Variants in CADM1 observed in about 807,000 individuals in gnomAD.
The protein encoded by CADM1 is cell adhesion molecule 1.
Under a neutral mutation model 53.1 loss-of-function variants are expected in CADM1, and 15 were observed. That is an observed-to-expected ratio of 0.28 (90% CI 0.19 to 0.44). CADM1 has a LOEUF of 0.44. CADM1 is among the 20% of genes least tolerant of loss of function. The probability of loss-of-function intolerance (pLI) is 1.00; values close to 1 mark genes in which losing one functional copy is unlikely to be tolerated. For synonymous variants in CADM1, 281 were observed against 243.0 expected (o/e 1.16, Z -1.45); for missense variants, 434 against 611.3 (o/e 0.71, Z 3.06).
chr11:115,180,121 C>G (rs573239839), intron 10 of CADM1, among the ~76,000 whole-genome samples: 1 of 152,006 alleles, frequency 6.6e-6, no homozygotes, highest in Non-Finnish European at 1.5e-5. Flanking sequence ...TCTTTTGAGC[C>G]GAAACCTGAT....
At chr11:115,320,260 T>C (rs1944787863) in intron 1 of CADM1, among the ~76,000 whole-genome samples, 1 of 152,022 alleles carries the variant, frequency 6.6e-6, no homozygotes, top group Non-Finnish European at 1.5e-5. Context: ...ACGAGGTCTC[T>C]CTATGTTGTC....
intron 1 of CADM1, 113 bp from the exon 2 acceptor site, chr11:115,240,533 C>T: frequency 1.9e-6 from 2 of 1,068,210 alleles, no homozygotes; most frequent in Admixed American, 1.9e-5. Flanking sequence ...CAAGTAGCAA[C>T]ATTTAGCATG....
At chr11:115,311,769 C>T (rs2135163866) in intron 1 of CADM1, among the ~76,000 whole-genome samples, 1 of 152,130 alleles carries the variant, frequency 6.6e-6, no homozygotes, top group South Asian at 2.1e-4. Context: ...TCATTTTTAT[C>T]ATTTTAGACC....
intron 1 of CADM1, among the ~76,000 whole-genome samples, chr11:115,411,637 A>G (rs1947461936): frequency 6.6e-6 from 1 of 152,152 alleles, no homozygotes; most frequent in South Asian, 2.1e-4. Flanking sequence ...TTTGTGGCCA[A>G]AGAAAGTGGA....
At chr11:115,220,745 A>T (rs1941374920) in intron 5 of CADM1, among the ~76,000 whole-genome samples, 1 of 152,216 alleles carries the variant, frequency 6.6e-6, no homozygotes, top group Non-Finnish European at 1.5e-5. Context: ...AAACTTAAAA[A>T]TAAATTCTGT....
intron 2 of CADM1, 57 bp from the exon 3 acceptor site, chr11:115,238,709 T>C: frequency 1.3e-6 from 2 of 1,561,632 alleles, no homozygotes; most frequent in Non-Finnish European, 8.8e-7. Context: ...CAGTCTATTT[T>C]CCTTAATTAT....
intron 1 of CADM1, among the ~76,000 whole-genome samples, chr11:115,358,173 T>A (rs1481415281): frequency 6.6e-6 from 1 of 151,568 alleles, no homozygotes; most frequent in Non-Finnish European, 1.5e-5. Flanking sequence ...AGCAGCACCA[T>A]CCACCACCTC....
intron 1 of CADM1, among the ~76,000 whole-genome samples, chr11:115,378,288 C>G (rs1946489117): frequency 6.6e-6 from 1 of 152,094 alleles, no homozygotes; most frequent in African/African-American, 2.4e-5. Flanking sequence ...TGAGATAAGT[C>G]AATTCCGCCA....
chr11:115,211,618 TACAGGCATGCGCCACC>T (rs1485962811), intron 7 of CADM1, among the ~76,000 whole-genome samples: 4 of 151,132 alleles, frequency 2.6e-5, no homozygotes, highest in Non-Finnish European at 5.9e-5. Flanking sequence ...TAGCTGGGAC[TACAGGCATGCGCCACC>T]ACACCCAGCT....
intron 10 of CADM1, among the ~76,000 whole-genome samples, chr11:115,188,576 C>T (rs866576020): frequency 6.6e-6 from 1 of 152,070 alleles, no homozygotes; most frequent in Admixed American, 6.5e-5. Flanking sequence ...AAATTGAGTA[C>T]GTAACATTTA....
intron 1 of CADM1, among the ~76,000 whole-genome samples, chr11:115,447,822 C>T (rs771827799): frequency 3.3e-5 from 5 of 152,214 alleles, no homozygotes; most frequent in Non-Finnish European, 5.9e-5. Context: ...TTTCACAGCA[C>T]CACAGCAACT....
At chr11:115,292,453 A>T (rs773637936) in intron 1 of CADM1, among the ~76,000 whole-genome samples, 5 of 152,226 alleles carry the variant, frequency 3.3e-5, no homozygotes, top group Non-Finnish European at 5.9e-5. Flanking sequence ...AACTTCCCTA[A>T]TATGAAAGAG....
intron 1 of CADM1, among the ~76,000 whole-genome samples, chr11:115,331,925 C>T (rs781256269): frequency 6.0e-5 from 9 of 150,458 alleles, no homozygotes; most frequent in South Asian, 4.2e-4. Flanking sequence ...CCCTCCCCTG[C>T]GTGGGGAAGG....
At chr11:115,243,507 C>A (rs767747982) in intron 1 of CADM1, among the ~76,000 whole-genome samples, 6 of 152,104 alleles carry the variant, frequency 3.9e-5, no homozygotes. Context: ...TTTAAGGCAC[C>A]ATAAGATGGC....
In CADM1 at chr11:115,483,874, G is replaced by C. The variant is rs781700565; in HGVS notation, c.124+20397C>G. Among the ~76,000 whole-genome samples, 68 of 152,210 alleles carry C rather than the reference G, an allele frequency of 4.5e-4. No individual in the cohort carries two copies. The Middle Eastern group carries it at 0.017, about 38-fold the overall frequency. On this transcript the variant is annotated intron_variant, in intron 1 of 11. Coordinates refer to ENST00000331581, the MANE Select transcript of CADM1 (RefSeq NM_001301043.2). ...ACACGTGACTAGTGGTTACTATACT[G>C]AACAGCACAGATATGGACTATTTCC...
intron 1 of CADM1, among the ~76,000 whole-genome samples, chr11:115,277,293 A>C (rs1943471053): frequency 6.6e-6 from 1 of 152,230 alleles, no homozygotes; most frequent in South Asian, 2.1e-4. Context: ...ATGGCTTGAC[A>C]AAATACACAG....
intron 11 of CADM1, among the ~76,000 whole-genome samples, chr11:115,177,916 T>C (rs1435961488): frequency 1.3e-5 from 2 of 152,006 alleles, no homozygotes; most frequent in Non-Finnish European, 2.9e-5. Flanking sequence ...CGCAAGCTCA[T>C]TGCACAGTGC....
chr11:115,204,070 AAGT>A (rs1940564294), intron 8 of CADM1, among the ~76,000 whole-genome samples: 1 of 152,362 alleles, frequency 6.6e-6, no homozygotes, highest in South Asian at 2.1e-4. Flanking sequence ...AATCTTAATG[AAGT>A]AGATGTCAAC....
At chr11:115,288,824 G>A (rs1200282437) in intron 1 of CADM1, among the ~76,000 whole-genome samples, 2 of 152,160 alleles carry the variant, frequency 1.3e-5, no homozygotes, top group African/African-American at 4.8e-5. Flanking sequence ...TGAAAAAGTG[G>A]ATTGGTACTC....
Sources: gnomAD v4.1 joint callset for allele counts (sites outside exome capture counted in the v4.1 genomes callset) on GRCh38, gnomAD v4.1.1 for gene constraint, MANE v1.5 for transcripts, NCBI Gene and HGNC (gene_info 2026-07-23, HGNC 2026-07-21) for gene names.